GXYLT1: variants seen among roughly 807,000 people sequenced by gnomAD.
The protein encoded by GXYLT1 is glucoside xylosyltransferase 1.
Under a neutral mutation model 54.0 loss-of-function variants are expected in GXYLT1, and 29 were observed. The observed-to-expected ratio is 0.54, with a 90% CI of 0.40 to 0.73. The LOEUF is 0.73. Among genes scored for constraint, GXYLT1 ranks in the 30% least tolerant of loss-of-function variants. GXYLT1 has a pLI of 0.00. For missense variants in GXYLT1, 490 were observed against 553.4 expected (o/e 0.89, Z 1.15); for synonymous variants, 176 against 204.1 (o/e 0.86, Z 1.17).
chr12:42,118,250 A>T (rs1212135455), intron 3 of GXYLT1, among the ~76,000 whole-genome samples: 1 of 152,242 alleles, frequency 6.6e-6, no homozygotes, highest in Admixed American at 6.5e-5. Flanking sequence ...CCATATTATT[A>T]ATCAAGAATT....
intron 1 of GXYLT1, among the ~76,000 whole-genome samples, chr12:42,142,311 G>A (rs1028235166): frequency 6.6e-6 from 1 of 151,186 alleles, no homozygotes; most frequent in African/African-American, 2.4e-5. Context: ...TTTCTATACC[G>A]TATCTCATGG....
intron 6 of GXYLT1, 130 bp from the exon 7 acceptor site, chr12:42,097,744 A>T: frequency 1.9e-6 from 2 of 1,037,464 alleles, no homozygotes; most frequent in East Asian, 2.5e-5. Context: ...TGGCATTTAG[A>T]TCTCTTCCAA....
chr12:42,112,310 G>A (rs898391207), intron 3 of GXYLT1, among the ~76,000 whole-genome samples: 2 of 152,190 alleles, frequency 1.3e-5, no homozygotes, highest in African/African-American at 4.8e-5. Context: ...ACTTTGACAA[G>A]TTGAGAGAAG....
chr12:42,138,654 T>A (rs902886678), intron 1 of GXYLT1, among the ~76,000 whole-genome samples: 9 of 152,116 alleles, frequency 5.9e-5, no homozygotes, highest in Non-Finnish European at 1.2e-4. Flanking sequence ...GTACACACAT[T>A]ATGAACAAAA....
Position 42,109,683 on chromosome 12 carries a change from G to C in GXYLT1, c.495C>G (p.Asn165Lys), listed in dbSNP as rs778789994. The C allele has an allele frequency of 1.3e-6, 2 of 1,513,958 alleles. No individual in the cohort carries two copies. The highest frequency in any genetic ancestry group is 1.8e-6 in the Non-Finnish European group (2 of 1,112,940). The allele number at this position is 1,513,958 out of a possible 1,614,324, so 93.8% of individuals were successfully genotyped here. A position where few individuals can be genotyped will look rare whatever the true frequency, so the allele number is the denominator to read the frequency against. Residue 165 changes from asparagine (N) to lysine (K), a missense_variant, in exon 4 of 8, where the codon AAC (asparagine) becomes AAG (lysine). Asn to Lys is a moderately conservative substitution (Grantham distance 94, BLOSUM62 0). Transcript: ENST00000398675. ...AATTAAATGTTTGTAGAAATGACCA[G>C]TTGTCAAGCTAAAACAATTTAAAAA... ...LHHSFKGRLD[N>K]WSFLQTFNYT... is the part of the protein sequence containing the mutation.
At chr12:42,129,135 C>T (rs1480001819) in intron 2 of GXYLT1, among the ~76,000 whole-genome samples, 1 of 152,108 alleles carries the variant, frequency 6.6e-6, no homozygotes, top group Non-Finnish European at 1.5e-5. Context: ...TTATCAATAC[C>T]TGTTTCTTTC....
At chr12:42,115,718 T>A (rs1292917990) in intron 3 of GXYLT1, among the ~76,000 whole-genome samples, 1 of 151,856 alleles carries the variant, frequency 6.6e-6, no homozygotes, top group Non-Finnish European at 1.5e-5. Context: ...AGGTAATTTA[T>A]AGATTCAATG....
At chr12:42,129,095 T>C (rs575435995) in intron 2 of GXYLT1, among the ~76,000 whole-genome samples, 11 of 152,192 alleles carry the variant, frequency 7.2e-5, no homozygotes, top group East Asian at 1.9e-4. Context: ...ATCAGGGAGA[T>C]AGTCTGAGAG....
At chr12:42,110,148 C>T (rs1465415948) in intron 3 of GXYLT1, among the ~76,000 whole-genome samples, 2 of 152,154 alleles carry the variant, frequency 1.3e-5, no homozygotes, top group African/African-American at 4.8e-5. Flanking sequence ...CAATGCATAG[C>T]TTTAATATGC....
intron 2 of GXYLT1, among the ~76,000 whole-genome samples, chr12:42,120,444 C>T (rs1290953591): frequency 1.3e-5 from 2 of 152,230 alleles, no homozygotes; most frequent in East Asian, 3.8e-4. Context: ...TGGATACCAA[C>T]AGGCTTAAGT....
At chr12:42,110,456 T>A (rs2065446592) in intron 3 of GXYLT1, among the ~76,000 whole-genome samples, 1 of 152,240 alleles carries the variant, frequency 6.6e-6, no homozygotes, top group African/African-American at 2.4e-5. Context: ...TGATAGTGTT[T>A]AAGTCATTTC....
chr12:42,116,337 AC>A (rs2065494690), intron 3 of GXYLT1, among the ~76,000 whole-genome samples: 2 of 152,356 alleles, frequency 1.3e-5, no homozygotes, highest in East Asian at 3.9e-4. Context: ...ATCAGAGTGA[AC>A]CGGCAACCTA....
intron 5 of GXYLT1, among the ~76,000 whole-genome samples, chr12:42,099,565 T>C (rs1239338090): frequency 6.6e-6 from 1 of 152,198 alleles, no homozygotes; most frequent in African/African-American, 2.4e-5. Flanking sequence ...TACTTAATAG[T>C]TATGATGTCA....
chr12:42,089,637 C>A (rs773048306), intron 7 of GXYLT1, among the ~76,000 whole-genome samples: 1 of 152,156 alleles, frequency 6.6e-6, no homozygotes, highest in Non-Finnish European at 1.5e-5. Context: ...AGGATTCCGT[C>A]CCAACAGTCT....
chr12:42,093,415 A>C (rs61023006), intron 7 of GXYLT1, among the ~76,000 whole-genome samples: 2,311 of 152,256 alleles, frequency 0.015, 59 homozygotes, highest in African/African-American at 0.053. Context: ...AATACCAACA[A>C]GTTTTTAACT....
intron 1 of GXYLT1, among the ~76,000 whole-genome samples, chr12:42,143,983 AAT>A (rs1271174288): frequency 6.6e-6 from 1 of 152,184 alleles, no homozygotes; most frequent in African/African-American, 2.4e-5. Flanking sequence ...TGAGGGACAA[AAT>A]ACACACACAT....
At chr12:42,138,829 A>C (rs909462023) in intron 1 of GXYLT1, among the ~76,000 whole-genome samples, 15 of 152,152 alleles carry the variant, frequency 9.9e-5, no homozygotes, top group African/African-American at 3.6e-4. Context: ...AAGACCAACC[A>C]GGCTGGCCAA....
chr12:42,116,052 G>C (rs2065492582), intron 3 of GXYLT1, among the ~76,000 whole-genome samples: 1 of 151,946 alleles, frequency 6.6e-6, no homozygotes, highest in Non-Finnish European at 1.5e-5. Flanking sequence ...TTTAATAAAT[G>C]GTGCTGGGAA....
chr12:42,109,748 C>G, intron 3 of GXYLT1, 57 bp from the exon 4 acceptor site: 1 of 1,098,022 alleles, frequency 9.1e-7, no homozygotes. Flanking sequence ...TCTGTAAAAT[C>G]ATAAAACAAC....
Sources: allele counts gnomAD v4.1 joint callset (sites outside exome capture counted in the v4.1 genomes callset), GRCh38; gene constraint gnomAD v4.1.1; transcripts MANE v1.5; gene names NCBI Gene and HGNC (gene_info 2026-07-23, HGNC 2026-07-21).